The following ZNF385D variants were observed in gnomAD, a reference collection of about 807,000 sequenced individuals.
ZNF385D encodes zinc finger protein 385D, also known as zinc finger protein 659.
A neutral mutation model predicts 35.8 loss-of-function variants in ZNF385D; 15 were observed. The ratio of observed to expected loss-of-function variants is 0.42; its 90% CI spans 0.28 to 0.64. The LOEUF (loss-of-function observed/expected upper bound fraction) is 0.64. Ranked by LOEUF, ZNF385D falls within the 30% of genes least tolerant of loss-of-function variation. ZNF385D has a pLI of 0.23. For missense variants in ZNF385D, 474 were observed against 494.6 expected (o/e 0.96, Z 0.39); for synonymous variants, 212 against 186.8 (o/e 1.13, Z -1.10).
intron 4 of ZNF385D, among the ~76,000 whole-genome samples, chr3:21,499,944 C>A (rs948685000): frequency 4.6e-5 from 7 of 152,184 alleles, no homozygotes; most frequent in Admixed American, 2.0e-4. Context: ...AACCCATACC[C>A]ATGTCACAAC....
At chr3:21,652,667 TC>T (rs1187861417) in intron 2 of ZNF385D, among the ~76,000 whole-genome samples, 30 of 143,308 alleles carry the variant, frequency 2.1e-4, no homozygotes, top group African/African-American at 6.1e-4. Flanking sequence ...ATGTTCCCCT[TC>T]CTGTGTCCAT....
chr3:21,948,244 T>C (rs1004397042), intron 3 of ZNF385D, among the ~76,000 whole-genome samples: 3 of 148,974 alleles, frequency 2.0e-5, no homozygotes, highest in African/African-American at 7.7e-5. Flanking sequence ...CTTACTGAAA[T>C]AGATTAATTT....
intron 2 of ZNF385D, among the ~76,000 whole-genome samples, chr3:22,296,715 G>A (rs1575063980): frequency 6.6e-6 from 1 of 152,062 alleles, no homozygotes. Flanking sequence ...GCATACCTCT[G>A]CAGCTGACAT....
At chr3:22,137,439 C>T (rs557366665) in intron 3 of ZNF385D, among the ~76,000 whole-genome samples, 17 of 152,228 alleles carry the variant, frequency 1.1e-4, no homozygotes, top group African/African-American at 3.4e-4. Context: ...ACTGGCAAAT[C>T]GAATCCAACA....
At chr3:22,036,234 AAAC>A (rs764916176) in intron 3 of ZNF385D, among the ~76,000 whole-genome samples, 3 of 152,208 alleles carry the variant, frequency 2.0e-5, no homozygotes, top group Non-Finnish European at 4.4e-5. Flanking sequence ...TCTCAGAGGT[AAAC>A]AACAGGGAAG....
intron 4 of ZNF385D, among the ~76,000 whole-genome samples, chr3:21,500,435 A>G (rs1042847344): frequency 6.6e-6 from 1 of 152,166 alleles, no homozygotes; most frequent in Non-Finnish European, 1.5e-5. Flanking sequence ...GCAGGAGGAT[A>G]ATACAATTTC....
chr3:21,801,688 G>C (rs148500242), intron 3 of ZNF385D, among the ~76,000 whole-genome samples: 2,130 of 152,178 alleles, frequency 0.014, 55 homozygotes, highest in African/African-American at 0.048. Context: ...AGCTGATATG[G>C]CTTAGGGAAC....
Position 21,736,370 on chromosome 3 carries a change from T to C in ZNF385D, c.22+14525A>G, listed in dbSNP as rs111573537. Among the ~76,000 whole-genome samples, 869 of 152,316 alleles carry C rather than the reference T, an allele frequency of 5.7e-3. 15 individuals are homozygous for C. The highest frequency in any genetic ancestry group is 0.02 in the African/African-American group (831 of 41,578). On this transcript the variant is annotated intron_variant, in intron 1 of 7. Transcript: ENST00000281523. ...TGTGTGCTAAATAAAAATTATTTTT[T>C]TAAAAAGTATGGAATTAGAAATATA... is the stretch of plus-strand genomic sequence containing the variant.
chr3:22,173,277 C>A (rs73048950), intron 2 of ZNF385D, among the ~76,000 whole-genome samples: 2 of 151,820 alleles, frequency 1.3e-5, no homozygotes, highest in East Asian at 1.9e-4. Context: ...ACATGGACAT[C>A]GGAGGAAAAA....
Position 21,767,474 on chromosome 3 carries a change from A to G in ZNF385D, c.326-102446T>C, listed in dbSNP as rs1218747327. Among the ~76,000 whole-genome samples the G allele has an allele frequency of 2.6e-5, 4 of 152,026 alleles. No homozygotes were observed. In the East Asian group the frequency reaches 7.7e-4, roughly 29 times the overall value. On this transcript the variant is annotated intron_variant, in intron 3 of 5. Coordinates refer to the ZNF385D transcript ENST00000494108. ...CTTCCTTAGCACACCCTTCTTACCA[A>G]TAATACCATTTGTTATCATTGACTC...
At chr3:21,921,080 C>T (rs1034364546) in intron 3 of ZNF385D, among the ~76,000 whole-genome samples, 4 of 151,174 alleles carry the variant, frequency 2.6e-5, no homozygotes, top group Non-Finnish European at 4.4e-5. Flanking sequence ...AAAAAATAGC[C>T]GGCGTGATGG....
At position 21,812,710 on chromosome 3, in the gene ZNF385D, C is replaced by T. The variant is rs180982817; in HGVS notation, c.326-147682G>A. Among the ~76,000 whole-genome samples, 374 of 152,320 alleles carry T rather than the reference C, an allele frequency of 2.5e-3. 4 individuals are homozygous for T. Among genetic ancestry groups the T allele is most frequent in the African/African-American group, 8.5e-3 (355 of 41,578 alleles). On this transcript the variant is annotated intron_variant, in intron 3 of 5. Coordinates refer to the ZNF385D transcript ENST00000494108. The stretch of plus-strand genomic sequence containing the variant: ...CAAAGCAGCTGGGAAGCTCGAACTG[C>T]GTGGAGCCCACCACAGCTCAAGGAG...
intron 3 of ZNF385D, among the ~76,000 whole-genome samples, chr3:21,521,024 C>T (rs1707871138): frequency 1.3e-5 from 2 of 152,190 alleles, no homozygotes; most frequent in African/African-American, 4.8e-5. Context: ...CTCCATAAGT[C>T]AAAGAAGGTC....
intron 2 of ZNF385D, among the ~76,000 whole-genome samples, chr3:22,295,097 G>T (rs1053403440): frequency 6.6e-6 from 1 of 151,976 alleles, no homozygotes; most frequent in East Asian, 1.9e-4. Context: ...GTTTTCCTCT[G>T]AATGAAAAAG....
At chr3:22,104,108 C>G (rs141020368) in intron 3 of ZNF385D, among the ~76,000 whole-genome samples, 1 of 152,040 alleles carries the variant, frequency 6.6e-6, no homozygotes, top group Non-Finnish European at 1.5e-5. Flanking sequence ...TGAAAGGTGT[C>G]CATGTATTAT....
intron 3 of ZNF385D, among the ~76,000 whole-genome samples, chr3:21,802,263 G>C (rs1419678198): frequency 1.3e-5 from 2 of 152,162 alleles, no homozygotes; most frequent in African/African-American, 2.4e-5. Context: ...TCCAAAAAAA[G>C]TGGGGAATAA....
At chr3:22,123,224 G>A (rs1422028242) in intron 3 of ZNF385D, among the ~76,000 whole-genome samples, 1 of 152,106 alleles carries the variant, frequency 6.6e-6, no homozygotes, top group South Asian at 2.1e-4. Flanking sequence ...AAGCGGGGGA[G>A]ACTGAATTAC....
At chr3:21,863,499 G>A (rs1211779391) in intron 3 of ZNF385D, among the ~76,000 whole-genome samples, 1 of 152,084 alleles carries the variant, frequency 6.6e-6, no homozygotes, top group Non-Finnish European at 1.5e-5. Flanking sequence ...AATAGAAATA[G>A]AATGTAAATT....
At chr3:22,305,851 T>G (rs989889712) in intron 2 of ZNF385D, among the ~76,000 whole-genome samples, 4 of 152,214 alleles carry the variant, frequency 2.6e-5, no homozygotes, top group African/African-American at 4.8e-5. Flanking sequence ...CACCTGTGTG[T>G]TGTTACAATT....
Sources: gnomAD v4.1 joint callset for allele counts (sites outside exome capture counted in the v4.1 genomes callset) on GRCh38, gnomAD v4.1.1 for gene constraint, MANE v1.5 for transcripts, NCBI Gene and HGNC (gene_info 2026-07-23, HGNC 2026-07-21) for gene names.